Variants in BAIAP3 observed in about 807,000 individuals in gnomAD.
BAIAP3 encodes BAI1 associated protein 3.
Under a neutral mutation model 149.7 loss-of-function variants are expected in BAIAP3, and 180 were observed. That is an observed-to-expected ratio of 1.20 (90% CI 1.07 to 1.36). The LOEUF is 1.36. Among genes scored for constraint, BAIAP3 ranks in the 40% most tolerant of loss-of-function variants. The pLI is 0.00. For synonymous variants in BAIAP3, 845 were observed against 670.7 expected (o/e 1.26, Z -4.02); for missense variants, 1,767 against 1,563.4 (o/e 1.13, Z -2.20).
In BAIAP3 at chr16:1,347,313, T is replaced by C; in HGVS notation, c.2767T>C (p.Phe923Leu). ...HFTLEALVSFFHAEGQGLPLE... is the reference protein window; with the variant it reads ...HFTLEALVSFLHAEGQGLPLE... Reference sequence around the variant, plus strand: ...CCTGCCCCAGGCCCTGGTCAGTTTTTTCCACGCAGAGGGTCAGGGTTTGCC... The same window carrying C: ...CCTGCCCCAGGCCCTGGTCAGTTTTCTCCACGCAGAGGGTCAGGGTTTGCC... The change falls in exon 29 of 34, where the codon TTC becomes CTC. Residue 923 changes from phenylalanine to leucine, a missense_variant. Phe to Leu is a conservative substitution (Grantham distance 22, BLOSUM62 0). Transcript: ENST00000426824. 1.2e-6 allele frequency: 2 copies of C among 1,613,366 alleles called. No homozygotes were observed. Among genetic ancestry groups the C allele is most frequent in the Non-Finnish European group, 1.7e-6 (2 of 1,179,936 alleles).
In BAIAP3 at chr16:1,349,436, C is replaced by G; in HGVS notation, c.*954C>G. ...CTCAAAAATATATGTGTCTGCAACC[C>G]TCAGTCTCTCTGCCGTTTCTTGATT... On this transcript the variant is annotated 3_prime_UTR_variant, in exon 34 of 34. Transcript: ENST00000426824. 1 of 1,613,620 alleles carries G rather than the reference C, an allele frequency of 6.2e-7. No homozygotes were observed. The highest frequency in any genetic ancestry group is 2.2e-5 in the East Asian group (1 of 44,888).
Position 1,345,469 on chromosome 16 carries a change from C to T in BAIAP3, c.2064+97C>T. Reference sequence around the variant, plus strand: ...CCCAGCCTCCCCAGCAACCCCCAGCCTCCTCCGCCTCCCCAGCCTCCCCCT... The same window carrying T: ...CCCAGCCTCCCCAGCAACCCCCAGCTTCCTCCGCCTCCCCAGCCTCCCCCT... On this transcript the variant is annotated intron_variant, in intron 22 of 33. Coordinates refer to ENST00000426824, the MANE Select transcript of BAIAP3 (RefSeq NM_001199097.2). 4 of 1,363,884 alleles carry T rather than the reference C, an allele frequency of 2.9e-6. No individual in the cohort carries two copies. In the South Asian group the frequency reaches 5.6e-5, roughly 19 times the overall value. The allele number at this position is 1,363,884 out of a possible 1,614,324, so 84.5% of individuals were successfully genotyped here. A position where few individuals can be genotyped will look rare whatever the true frequency, so the allele number is the denominator to read the frequency against.
Position 1,342,217 on chromosome 16 carries a change from C to G in BAIAP3, c.891C>G (p.Asn297Lys). ...AGATCGTCAAGTCAGCCCGCGCAAA[C>G]GGGACAGCAGGACCCACCGAGGACC... ...FKQIVKSARA[N>K]GTAGPTEDHT... The change falls in exon 11 of 34, where the codon AAC becomes AAG. Residue 297 changes from asparagine to lysine, a missense_variant. By Grantham distance (94) the Asn-to-Lys change is moderately conservative. Transcript: ENST00000426824. 1 of 1,606,478 alleles carries G rather than the reference C, an allele frequency of 6.2e-7. No individual in the cohort carries two copies. Among genetic ancestry groups the G allele is most frequent in the Non-Finnish European group, 8.5e-7 (1 of 1,176,244 alleles).
chr16:1,346,359 A>G lies in BAIAP3; in HGVS notation c.2491A>G (p.Lys831Glu), dbSNP rs1422413350. 5 of 1,609,102 alleles carry G rather than the reference A, an allele frequency of 3.1e-6. No homozygotes were observed. Among genetic ancestry groups the G allele is most frequent in the Admixed American group, 1.7e-5 (1 of 59,886 alleles). The change falls in exon 25 of 34, where the codon AAG becomes GAG. Residue 831 changes from lysine (K) to glutamate (E), a missense_variant and splice_region_variant. Coordinates refer to ENST00000426824, the MANE Select transcript of BAIAP3 (RefSeq NM_001199097.2). ...AHTVTAHLTSKMVGDIRKYVQ... is the reference protein window; with the variant it reads ...AHTVTAHLTSEMVGDIRKYVQ... ...CACGGTGACAGCGCACCTGACCTCT[A>G]AGGTGGGTGGGGCCTGGAGACCAAG...
At chr16:1,339,456 C>CT in intron 4 of BAIAP3, 40 bp from the exon 5 acceptor site, 1 of 1,575,370 alleles carries the variant, frequency 6.3e-7, no homozygotes, top group South Asian at 1.1e-5. Flanking sequence ...GGCTGGGGGC[C>CT]TGGGACGCGG....
chr16:1,342,797 G>T lies in BAIAP3; in HGVS notation c.1144G>T (p.Glu382Ter). ...LLLLSHLLRL[E>*]HSAEEPNSSS... is the part of the protein sequence containing the mutation. ...GCTGCTCAGCCATCTGCTGCGGTTG[G>T]AGCACTCAGCAGAGGAGGTAGTGGG... The change falls in exon 13 of 34, where the codon GAG (glutamate) becomes TAG (stop). Residue 382 changes from glutamate to a stop codon, truncating the protein, a stop_gained. Coordinates refer to ENST00000426824, the MANE Select transcript of BAIAP3 (RefSeq NM_001199097.2). LOFTEE classifies it high-confidence loss of function. 1 of 1,612,706 alleles carries T rather than the reference G, an allele frequency of 6.2e-7. No individual in the cohort carries two copies. Among genetic ancestry groups the T allele is most frequent in the Non-Finnish European group, 8.5e-7 (1 of 1,180,006 alleles).
intron 22 of BAIAP3, 178 bp downstream of exon 22, chr16:1,345,550 C>T: frequency 3.5e-6 from 2 of 570,794 alleles, no homozygotes; most frequent in Non-Finnish European, 5.4e-6. Flanking sequence ...CAACCCCAGC[C>T]TCCCCAGCAA....
In BAIAP3 at chr16:1,347,641, G is replaced by A. The variant is rs773179182; in HGVS notation, c.2904+16G>A. On this transcript the variant is annotated intron_variant, in intron 30 of 33. Coordinates refer to ENST00000426824, the MANE Select transcript of BAIAP3 (RefSeq NM_001199097.2). Reference sequence around the variant, plus strand: ...GCTCAAACAGGTAGGGAGGCGCCAGGGACAGGGTGCTGCCTCCGAGGCTCC... The same window carrying A: ...GCTCAAACAGGTAGGGAGGCGCCAGAGACAGGGTGCTGCCTCCGAGGCTCC... The A allele has an allele frequency of 4.3e-6, 7 of 1,612,958 alleles. No individual in the cohort carries two copies. Among genetic ancestry groups the A allele is most frequent in the Non-Finnish European group, 5.9e-6 (7 of 1,179,972 alleles).
At chr16:1,333,909 G>A (rs1567153425) in intron 1 of BAIAP3, among the ~76,000 whole-genome samples, 160 bp downstream of exon 1, 1 of 152,004 alleles carries the variant, frequency 6.6e-6, no homozygotes, top group African/African-American at 2.4e-5. Flanking sequence ...AGGTCTCGAC[G>A]TCCCCTCGGC....
Position 1,344,636 on chromosome 16 carries a change from G to C in BAIAP3, c.1695G>C (p.Leu565=), listed in dbSNP as rs201247170. 3 of 1,613,394 alleles carry C rather than the reference G, an allele frequency of 1.9e-6. No individual in the cohort carries two copies. The African/African-American group carries it at 4.0e-5, about 21-fold the overall frequency. ...AGCGCCTGCCTGGGCTGGTTGTGCT[G>C]GCTGACGCCGTCTATGATGACCTTC... is the stretch of plus-strand genomic sequence containing the variant. ...GPQRLPGLVV[L]ADAVYDDLQF... The change falls in exon 19 of 34, where the codon CTG becomes CTC. Residue 565 remains leucine (L), a synonymous_variant. Coordinates refer to ENST00000426824, the MANE Select transcript of BAIAP3 (RefSeq NM_001199097.2).
chr16:1,346,632 G>C lies in BAIAP3; in HGVS notation c.2590G>C (p.Asp864His). ...EAVAPLMKYL[D>H]EKLALLNASL... ...CGTGGCCCCGCTCATGAAGTACCTG[G>C]ATGAGAAGCTGGCCCTGCTGAACGC... The change falls in exon 27 of 34, where the codon GAT (aspartate) becomes CAT (histidine). Residue 864 changes from aspartate (D) to histidine (H), a missense_variant. Asp to His is a moderately conservative substitution (Grantham distance 81). Transcript: ENST00000426824. 2 of 1,402,396 alleles carry C rather than the reference G, an allele frequency of 1.4e-6. No homozygotes were observed. Among genetic ancestry groups the C allele is most frequent in the South Asian group, 1.2e-5 (1 of 82,458 alleles). 86.9% of individuals were successfully genotyped at this position (1,402,396 alleles called of 1,614,324 possible). A position where few individuals can be genotyped will look rare whatever the true frequency, so the allele number is the denominator to read the frequency against.
chr16:1,340,914 C>T lies in BAIAP3; in HGVS notation c.409-8C>T, dbSNP rs752171904. 27 of 1,566,334 alleles carry T rather than the reference C, an allele frequency of 1.7e-5. No homozygotes were observed. The South Asian group carries it at 3.1e-4, about 18-fold the overall frequency. On this transcript the variant is annotated splice_region_variant and splice_polypyrimidine_tract_variant and intron_variant, in intron 5 of 33. Coordinates refer to ENST00000426824, the MANE Select transcript of BAIAP3 (RefSeq NM_001199097.2). Reference sequence around the variant, plus strand: ...CCTAGGCCCTGCCAACCCAGCCACCCTCCACAGGTGTTTGGCACCAGCCTT... The same window carrying T: ...CCTAGGCCCTGCCAACCCAGCCACCTTCCACAGGTGTTTGGCACCAGCCTT...
chr16:1,341,676 C>T lies in BAIAP3; in HGVS notation c.732-146C>T. The T allele has an allele frequency of 3.4e-6, 4 of 1,178,428 alleles. 1 individual carries two copies. Among genetic ancestry groups the T allele is most frequent in the South Asian group, 2.9e-5 (2 of 68,344 alleles). The allele number at this position is 1,178,428 out of a possible 1,614,324, so 73.0% of individuals were successfully genotyped here. A position where few individuals can be genotyped will look rare whatever the true frequency, so the allele number is the denominator to read the frequency against. On this transcript the variant is annotated intron_variant, in intron 8 of 33. Transcript: ENST00000426824. ...CACCGGGGCCACACGGCTGGCAACACCTGGCGGGATCAGGATTTGGACCTG... is the reference window on the plus strand; with the variant it reads ...CACCGGGGCCACACGGCTGGCAACATCTGGCGGGATCAGGATTTGGACCTG...
At chr16:1,347,262 G>T (rs2034440454) in intron 28 of BAIAP3, 36 bp from the exon 29 acceptor site, 1 of 1,603,008 alleles carries the variant, frequency 6.2e-7, no homozygotes, top group South Asian at 1.1e-5. Flanking sequence ...CACAAGCCAG[G>T]CTCCCTGACA....
chr16:1,345,265 G>A lies in BAIAP3; in HGVS notation c.1957G>A (p.Ala653Thr), dbSNP rs1460660851. Residue 653 changes from alanine (A) to threonine (T), a missense_variant, in exon 22 of 34, where the codon GCC (alanine) becomes ACC (threonine). Transcript: ENST00000426824. ...SIPGRDSRSL[A>T]LAGIHAPFLP... is the part of the protein sequence containing the mutation. The stretch of plus-strand genomic sequence containing the variant: ...CCACCACAGGGACAGCCGCTCTCTG[G>A]CCCTGGCTGGCATCCACGCCCCCTT... 6.2e-7 allele frequency: 1 copy of A among 1,613,050 alleles called. No homozygotes were observed. Among genetic ancestry groups the A allele is most frequent in the South Asian group, 1.1e-5 (1 of 91,086 alleles).
Position 1,338,888 on chromosome 16 carries a change from G to A in BAIAP3, c.132-14G>A. ...CGTGCTGAGAGCTGTGAGCTGACCCGGCTCTTTCTCCAGGAAACCCGGGGA... is the reference window on the plus strand; with the variant it reads ...CGTGCTGAGAGCTGTGAGCTGACCCAGCTCTTTCTCCAGGAAACCCGGGGA... On this transcript the variant is annotated splice_polypyrimidine_tract_variant and intron_variant, in intron 2 of 33. Coordinates refer to ENST00000426824, the MANE Select transcript of BAIAP3 (RefSeq NM_001199097.2). 6.2e-7 allele frequency: 1 copy of A among 1,612,816 alleles called. No homozygotes were observed. The highest frequency in any genetic ancestry group is 8.5e-7 in the Non-Finnish European group (1 of 1,179,864).
rs1193804745 is a variant in BAIAP3 at position 1,345,858 on chromosome 16, C to T, written c.2176C>T (p.Gln726Ter). 6 of 1,579,778 alleles carry T rather than the reference C, an allele frequency of 3.8e-6. No homozygotes were observed. Among genetic ancestry groups the T allele is most frequent in the Non-Finnish European group, 5.2e-6 (6 of 1,164,558 alleles). The change falls in exon 23 of 34, where the codon CAG becomes TAG. Residue 726 changes from glutamine (Q) to a stop codon, truncating the protein, a stop_gained. Transcript: ENST00000426824. LOFTEE classifies it high-confidence loss of function. ...GCGCCTGGCGTGGCCTGACCCTGCC[C>T]AGGCTCAGGGGCTGGGCACCCAGCT... Reference protein sequence around the residue: ...WVRLAWPDPAQAQGLGTQLGQ... With the variant: ...WVRLAWPDPA
At chr16:1,342,485 G>T in intron 11 of BAIAP3, 42 bp from the exon 12 acceptor site, 8 of 1,510,564 alleles carry the variant, frequency 5.3e-6, no homozygotes, top group Non-Finnish European at 6.3e-6. Flanking sequence ...TGGAAGGGGA[G>T]GGGGAGGAGT....
chr16:1,345,827 G>C lies in BAIAP3; in HGVS notation c.2145G>C (p.Leu715Phe). 1 of 1,581,110 alleles carries C rather than the reference G, an allele frequency of 6.3e-7. No homozygotes were observed. Among genetic ancestry groups the C allele is most frequent in the Non-Finnish European group, 8.6e-7 (1 of 1,166,170 alleles). The stretch of plus-strand genomic sequence containing the variant: ...TCTGCCTCAGCCACATCCAGGAGTT[G>C]TGGGTGCGCCTGGCGTGGCCTGACC... The part of the protein sequence containing the change: ...AGLCLSHIQE[L>F]WVRLAWPDPA... The change falls in exon 23 of 34, where the codon TTG becomes TTC. Residue 715 changes from leucine (L) to phenylalanine (F), a missense_variant. Leu to Phe is a conservative substitution (Grantham distance 22, BLOSUM62 0). Coordinates refer to ENST00000426824, the MANE Select transcript of BAIAP3 (RefSeq NM_001199097.2).
Sources: gnomAD v4.1 joint callset for allele counts (sites outside exome capture counted in the v4.1 genomes callset) on GRCh38, gnomAD v4.1.1 for gene constraint, MANE v1.5 for transcripts, NCBI Gene and HGNC (gene_info 2026-07-23, HGNC 2026-07-21) for gene names.